UNC5C: variants seen among roughly 807,000 people sequenced by gnomAD.
UNC5C encodes unc-5 netrin receptor C.
Under a neutral mutation model 99.8 loss-of-function variants are expected in UNC5C, and 47 were observed. That is an observed-to-expected ratio of 0.47 (90% CI 0.37 to 0.60). The LOEUF is 0.60. UNC5C is among the 20% of genes least tolerant of loss of function. The pLI is 0.00. For synonymous variants in UNC5C, 487 were observed against 452.2 expected (o/e 1.08, Z -0.98); for missense variants, 1,062 against 1,165.9 (o/e 0.91, Z 1.30).
At chr4:95,206,488 T>C in intron 11 of UNC5C, 140 bp downstream of exon 11, 1 of 1,225,450 alleles carries the variant, frequency 8.2e-7, no homozygotes. Context: ...CTAGTCTGCC[T>C]GCCTGTTTCT....
Position 95,212,404 on chromosome 4 carries a change from CT to C in UNC5C, c.1733+3719del, listed in dbSNP as rs1738102843. Among the ~76,000 whole-genome samples, 3 of 152,128 alleles carry C rather than the reference CT, an allele frequency of 2.0e-5. No individual in the cohort carries two copies. The South Asian group carries it at 6.2e-4, about 32-fold the overall frequency. On this transcript the variant is annotated intron_variant, in intron 10 of 15. Coordinates refer to ENST00000453304, the MANE Select transcript of UNC5C (RefSeq NM_003728.4). ...AGATCCTATTTATACCGCGGTTTGT[CT>C]GTCTACCCTTACAAACCTTCGTACT...
At chr4:95,485,781 A>G (rs1721310906) in intron 1 of UNC5C, among the ~76,000 whole-genome samples, 1 of 151,748 alleles carries the variant, frequency 6.6e-6, no homozygotes, top group African/African-American at 2.4e-5. Context: ...CTATAGTTTT[A>G]AAATGGTCAA....
chr4:95,455,989 G>T (rs1747414937), intron 1 of UNC5C, among the ~76,000 whole-genome samples: 1 of 152,084 alleles, frequency 6.6e-6, no homozygotes, highest in Admixed American at 6.6e-5. Flanking sequence ...AAGCCAGCTG[G>T]ATAGATGGTA....
chr4:95,383,549 C>T (rs1357798498), intron 1 of UNC5C, among the ~76,000 whole-genome samples: 1 of 152,154 alleles, frequency 6.6e-6, no homozygotes, highest in Non-Finnish European at 1.5e-5. Context: ...TGATTCAATA[C>T]AACAACTTAA....
chr4:95,460,312 A>G (rs1386426670), intron 1 of UNC5C, among the ~76,000 whole-genome samples: 1 of 151,970 alleles, frequency 6.6e-6, no homozygotes, highest in Non-Finnish European at 1.5e-5. Context: ...TTCTAATAAT[A>G]ACTTTTCTCT....
intron 10 of UNC5C, among the ~76,000 whole-genome samples, chr4:95,213,281 A>T (rs1001209508): frequency 2.0e-5 from 3 of 152,256 alleles, no homozygotes; most frequent in African/African-American, 7.2e-5. Flanking sequence ...ACAAAATTTC[A>T]GTCTAGGTCG....
intron 1 of UNC5C, among the ~76,000 whole-genome samples, chr4:95,451,175 C>G (rs1304376510): frequency 6.6e-6 from 1 of 152,156 alleles, no homozygotes; most frequent in African/African-American, 2.4e-5. Flanking sequence ...TTAATCTGAT[C>G]TTGTCAGTGG....
intron 12 of UNC5C, among the ~76,000 whole-genome samples, chr4:95,191,686 A>G (rs906400913): frequency 4.6e-5 from 6 of 129,658 alleles, no homozygotes; most frequent in African/African-American, 1.8e-4. Flanking sequence ...TCTCCTCCCC[A>G]ATCACCTCCT....
At chr4:95,187,785 G>A (rs1412564078) in intron 12 of UNC5C, among the ~76,000 whole-genome samples, 1 of 152,106 alleles carries the variant, frequency 6.6e-6, no homozygotes, top group African/African-American at 2.4e-5. Context: ...TCCTTCCATA[G>A]ACTTAAGCTC....
At position 95,383,091 on chromosome 4, in the gene UNC5C, C is replaced by T. The variant is rs114578917; in HGVS notation, c.125-47460G>A. On this transcript the variant is annotated intron_variant, in intron 1 of 15. Coordinates refer to ENST00000453304, the MANE Select transcript of UNC5C (RefSeq NM_003728.4). ...ATACAAGAAGCATCCCTAGAATAAA[C>T]AGTAAGCAAAGCTGCCAAAGTTTAA... Among the ~76,000 whole-genome samples, 1,300 of 152,250 alleles carry T rather than the reference C, an allele frequency of 8.5e-3. 23 individuals are homozygous for T. The highest frequency in any genetic ancestry group is 0.029 in the African/African-American group (1,224 of 41,534).
intron 1 of UNC5C, among the ~76,000 whole-genome samples, chr4:95,492,824 A>AT (rs780151419): frequency 3.3e-5 from 5 of 151,452 alleles, no homozygotes; most frequent in African/African-American, 7.3e-5. Context: ...AATAATTGTG[A>AT]TTTTTTGCTT....
intron 1 of UNC5C, among the ~76,000 whole-genome samples, chr4:95,416,735 A>G (rs1392626750): frequency 6.6e-6 from 1 of 152,216 alleles, no homozygotes; most frequent in Non-Finnish European, 1.5e-5. Flanking sequence ...CAAATCACAG[A>G]GCAGCAGAAC....
chr4:95,202,648 C>T, intron 12 of UNC5C, 83 bp downstream of exon 12: 1 of 1,349,820 alleles, frequency 7.4e-7, no homozygotes, highest in Admixed American at 2.0e-5. Context: ...CACACACAGC[C>T]ACATCTCCAA....
At chr4:95,249,253 G>C (rs1739607861) in intron 5 of UNC5C, among the ~76,000 whole-genome samples, 1 of 152,152 alleles carries the variant, frequency 6.6e-6, no homozygotes, top group Admixed American at 6.5e-5. Context: ...CTCAGAATGT[G>C]TCCCCATCAT....
chr4:95,414,190 G>C (rs1746090858), intron 1 of UNC5C, among the ~76,000 whole-genome samples: 1 of 151,980 alleles, frequency 6.6e-6, no homozygotes, highest in South Asian at 2.1e-4. Context: ...TGCAGTTTCT[G>C]CCCTTTCCTT....
chr4:95,483,331 T>G (rs951661384), intron 1 of UNC5C, among the ~76,000 whole-genome samples: 3 of 151,908 alleles, frequency 2.0e-5, no homozygotes, highest in Middle Eastern at 3.4e-3. Context: ...GATCAGCACT[T>G]TTTATGTTAT....
intron 1 of UNC5C, among the ~76,000 whole-genome samples, chr4:95,385,162 C>T (rs1025350019): frequency 6.6e-6 from 1 of 151,164 alleles, no homozygotes; most frequent in African/African-American, 2.4e-5. Context: ...GACTTGCAGT[C>T]AAAGAAAAAA....
At chr4:95,460,154 T>G (rs1282317201) in intron 1 of UNC5C, among the ~76,000 whole-genome samples, 3 of 151,122 alleles carry the variant, frequency 2.0e-5, no homozygotes, top group Non-Finnish European at 4.4e-5. Context: ...TGTGGGTAAC[T>G]GCATTTTATG....
At chr4:95,496,169 C>T (rs1224325515) in intron 1 of UNC5C, among the ~76,000 whole-genome samples, 1 of 151,728 alleles carries the variant, frequency 6.6e-6, no homozygotes, top group Admixed American at 6.6e-5. Flanking sequence ...AGAAGAGTGG[C>T]ATCCTGTTCT....
Sources: allele counts gnomAD v4.1 joint callset (sites outside exome capture counted in the v4.1 genomes callset), GRCh38; gene constraint gnomAD v4.1.1; transcripts MANE v1.5; gene names NCBI Gene and HGNC (gene_info 2026-07-23, HGNC 2026-07-21).